Variants in DIP2C observed in about 807,000 individuals in gnomAD.
DIP2C encodes DIP2 acetate--CoA ligase C (putative).
In DIP2C, 33 loss-of-function variants were observed where a neutral mutation model predicts 192.4. The ratio of observed to expected loss-of-function variants is 0.17; its 90% confidence interval spans 0.13 to 0.23. The LOEUF is 0.23. Ranked by LOEUF, DIP2C falls within the 10% of genes least tolerant of loss-of-function variation. The pLI is 1.00. For synonymous variants in DIP2C, 979 were observed against 864.1 expected (o/e 1.13, Z -2.33); for missense variants, 1,537 against 2,110.1 (o/e 0.73, Z 5.32).
At chr10:580,144 CAT>C (rs1287421589) in intron 1 of DIP2C, among the ~76,000 whole-genome samples, 4 of 152,114 alleles carry the variant, frequency 2.6e-5, no homozygotes, top group Non-Finnish European at 4.4e-5. Context: ...ATAGTGTACA[CAT>C]ATCCGATGTA....
At chr10:281,701 C>T (rs954543303) in intron 35 of DIP2C, among the ~76,000 whole-genome samples, 1 of 152,236 alleles carries the variant, frequency 6.6e-6, no homozygotes, top group African/African-American at 2.4e-5. Context: ...GCCTCGTCTG[C>T]CCAAGATCAC....
chr10:673,088 T>C (rs1191452151), intron 1 of DIP2C, among the ~76,000 whole-genome samples: 5 of 152,142 alleles, frequency 3.3e-5, no homozygotes. Flanking sequence ...CCGGCCTTGC[T>C]GCTCAGCTGG....
chr10:295,832 C>A (rs1489603690), intron 32 of DIP2C, among the ~76,000 whole-genome samples: 1 of 151,884 alleles, frequency 6.6e-6, no homozygotes, highest in Non-Finnish European at 1.5e-5. Context: ...TATGGTGAAA[C>A]CCCATCTCTA....
At position 526,158 on chromosome 10, in the gene DIP2C, ACAT is replaced by A. The variant is rs1419118721; in HGVS notation, c.86-39631_86-39629del. On this transcript the variant is annotated intron_variant, in intron 1 of 36. Transcript: ENST00000280886. The stretch of plus-strand genomic sequence containing the variant: ...CCTGAAACAGGACCGACCGGGGCTC[ACAT>A]CAGCAGACACAGCAAATGCAGCACA... 2.6e-5 allele frequency among the ~76,000 whole-genome samples: 4 copies of A among 152,340 alleles called. No homozygotes were observed. The East Asian group carries it at 7.7e-4, about 29-fold the overall frequency.
At chr10:406,737 A>G (rs976775501) in intron 9 of DIP2C, among the ~76,000 whole-genome samples, 3 of 152,142 alleles carry the variant, frequency 2.0e-5, no homozygotes, top group African/African-American at 4.8e-5. Context: ...AAATTACTGC[A>G]TGACCCTAAA....
rs1316666898 is a variant in DIP2C, at chr10:467,943, AAAGTAT to A, written c.268+4490_268+4495del. On this transcript the variant is annotated intron_variant, in intron 3 of 36. Transcript: ENST00000280886. ...GTTCTGCACATGTACTCCAGAACTT[AAAGTAT>A]AATAAAAAATATATATAAATTAAAA... Among the ~76,000 whole-genome samples the A allele has an allele frequency of 7.2e-5, 11 of 152,292 alleles. 1 individual carries two copies. The South Asian group carries it at 2.1e-3, about 29-fold the overall frequency.
intron 1 of DIP2C, among the ~76,000 whole-genome samples, chr10:634,480 T>C (rs1305022887): frequency 6.6e-6 from 1 of 152,206 alleles, no homozygotes; most frequent in Admixed American, 6.5e-5. Flanking sequence ...GCCAAGTAAG[T>C]TTCTGCCGTG....
At position 285,780 on chromosome 10, in the gene DIP2C, C is replaced by T. The variant is rs1362659861; in HGVS notation, c.4119+493G>A. On this transcript the variant is annotated intron_variant, in intron 34 of 36. Coordinates refer to ENST00000280886, the MANE Select transcript of DIP2C (RefSeq NM_014974.3). ...GCAGGGAGTTAAGAGCCAGCCAGGG[C>T]GGGCTCATTCTGAACACAATGAGGC... is the stretch of plus-strand genomic sequence containing the variant. 1.1e-4 allele frequency among the ~76,000 whole-genome samples: 17 copies of T among 152,326 alleles called. 1 individual carries two copies. In the East Asian group the frequency reaches 1.2e-3, roughly 10 times the overall value.
chr10:429,181 C>T (rs967293685), intron 4 of DIP2C, among the ~76,000 whole-genome samples: 3 of 151,948 alleles, frequency 2.0e-5, no homozygotes, highest in African/African-American at 7.3e-5. Context: ...AAAAAATCCT[C>T]CTGCTTTGCC....
intron 1 of DIP2C, among the ~76,000 whole-genome samples, chr10:612,807 C>T (rs1455635572): frequency 2.6e-5 from 4 of 152,152 alleles, no homozygotes; most frequent in East Asian, 1.9e-4. Flanking sequence ...CAAATATTGA[C>T]GCTCCACAGA....
chr10:302,995 G>T (rs949173247), intron 32 of DIP2C, among the ~76,000 whole-genome samples: 1 of 151,936 alleles, frequency 6.6e-6, no homozygotes, highest in Non-Finnish European at 1.5e-5. Context: ...GTCAGACATC[G>T]CATGTGTCTG....
chr10:367,344 G>C (rs961706507), intron 18 of DIP2C, among the ~76,000 whole-genome samples: 1 of 151,730 alleles, frequency 6.6e-6, no homozygotes, highest in Non-Finnish European at 1.5e-5. Context: ...GTGAACCCGG[G>C]AGGCAGAGCC....
Position 419,687 on chromosome 10 carries a change from G to A in DIP2C, c.605-488C>T, listed in dbSNP as rs140950943. Among the ~76,000 whole-genome samples, 321 of 152,274 alleles carry A rather than the reference G, an allele frequency of 2.1e-3. 4 individuals carry two copies. Among genetic ancestry groups the A allele is most frequent in the African/African-American group, 6.9e-3 (285 of 41,542 alleles). On this transcript the variant is annotated intron_variant, in intron 5 of 36. Transcript: ENST00000280886. Reference sequence around the variant, plus strand: ...ATGGCCATGACCGTGTAGGGTAGTTGGGTGGATTATGTGAGTTAACACGTA... The same window carrying A: ...ATGGCCATGACCGTGTAGGGTAGTTAGGTGGATTATGTGAGTTAACACGTA...
chr10:688,700 A>T (rs1031105455), intron 1 of DIP2C, among the ~76,000 whole-genome samples: 1 of 152,196 alleles, frequency 6.6e-6, no homozygotes, highest in African/African-American at 2.4e-5. Flanking sequence ...TCTGAAACTT[A>T]TGACAGTTGA....
At chr10:579,717 T>A (rs544730479) in intron 1 of DIP2C, among the ~76,000 whole-genome samples, 8 of 152,086 alleles carry the variant, frequency 5.3e-5, no homozygotes, top group African/African-American at 1.9e-4. Context: ...TGTACACACA[T>A]CCATATCAAT....
At chr10:408,083 C>T (rs1964934257) in intron 9 of DIP2C, among the ~76,000 whole-genome samples, 3 of 150,982 alleles carry the variant, frequency 2.0e-5, no homozygotes, top group South Asian at 2.1e-4. Flanking sequence ...TTAGCTCTTA[C>T]ATTTAGGCGT....
chr10:449,343 C>T (rs1443617684), intron 3 of DIP2C, among the ~76,000 whole-genome samples: 4 of 152,074 alleles, frequency 2.6e-5, no homozygotes, highest in South Asian at 2.1e-4. Flanking sequence ...ACAAAATTAA[C>T]GATCAAGTAA....
At chr10:432,982 C>T (rs920552576) in intron 4 of DIP2C, among the ~76,000 whole-genome samples, 1 of 152,122 alleles carries the variant, frequency 6.6e-6, no homozygotes, top group Non-Finnish European at 1.5e-5. Context: ...TGAGAACATA[C>T]TCGTTTAATT....
chr10:537,779 T>C (rs1005462182), intron 1 of DIP2C, among the ~76,000 whole-genome samples: 3 of 150,582 alleles, frequency 2.0e-5, no homozygotes, highest in African/African-American at 7.5e-5. Flanking sequence ...CGAGCAGTTA[T>C]CTTTCGTCTG....
Sources: allele counts gnomAD v4.1 joint callset (sites outside exome capture counted in the v4.1 genomes callset), GRCh38; gene constraint gnomAD v4.1.1; transcripts MANE v1.5; gene names NCBI Gene and HGNC (gene_info 2026-07-23, HGNC 2026-07-21).